Variants in CHSY3 observed in about 807,000 individuals in gnomAD.
The protein encoded by CHSY3 is chondroitin sulfate synthase 3, also known as N-acetylgalactosaminyl-proteoglycan 3-beta-glucuronosyltransferase 3.
A neutral mutation model predicts 67.2 loss-of-function variants in CHSY3; 35 were observed. The observed-to-expected ratio is 0.52, with a 90% CI of 0.40 to 0.69. The LOEUF is 0.69. CHSY3 is among the 30% of genes least tolerant of loss of function. The pLI, the probability that CHSY3 is intolerant of heterozygous loss-of-function variation, is 0.00. For synonymous variants in CHSY3, 474 were observed against 434.7 expected (o/e 1.09, Z -1.12); for missense variants, 1,069 against 1,138.5 (o/e 0.94, Z 0.88).
intron 2 of CHSY3, among the ~76,000 whole-genome samples, chr5:129,945,421 T>A (rs1279330563): frequency 6.6e-6 from 1 of 152,170 alleles, no homozygotes; most frequent in African/African-American, 2.4e-5. Flanking sequence ...ATGAAATAAA[T>A]AAGGCTATGT....
At chr5:129,968,127 A>G (rs1762518924) in intron 2 of CHSY3, among the ~76,000 whole-genome samples, 1 of 151,830 alleles carries the variant, frequency 6.6e-6, no homozygotes, top group South Asian at 2.1e-4. Context: ...CAGCAAGTAG[A>G]TTGTGCCTTG....
At chr5:130,163,107 A>G (rs573911348) in intron 2 of CHSY3, among the ~76,000 whole-genome samples, 133 of 152,298 alleles carry the variant, frequency 8.7e-4, no homozygotes, top group African/African-American at 3.1e-3. Context: ...AGGAGAGATT[A>G]CATGGAAAGC....
intron 2 of CHSY3, among the ~76,000 whole-genome samples, chr5:130,049,596 A>C (rs1765267018): frequency 6.6e-6 from 1 of 152,086 alleles, no homozygotes; most frequent in African/African-American, 2.4e-5. Context: ...CTCTAGTAAC[A>C]AGATAAGCTC....
chr5:129,962,252 A>G (rs2149608285), intron 2 of CHSY3, among the ~76,000 whole-genome samples: 1 of 152,082 alleles, frequency 6.6e-6, no homozygotes, highest in Admixed American at 6.6e-5. Context: ...ATCTCAGCAA[A>G]TGGTACCACC....
intron 2 of CHSY3, among the ~76,000 whole-genome samples, chr5:130,144,512 A>G (rs1470310153): frequency 6.6e-6 from 1 of 152,202 alleles, no homozygotes; most frequent in East Asian, 1.9e-4. Flanking sequence ...TGAAGGCACA[A>G]TTAAGTGGAA....
intron 2 of CHSY3, among the ~76,000 whole-genome samples, chr5:130,132,035 G>C (rs1768499996): frequency 1.3e-5 from 2 of 152,124 alleles, no homozygotes; most frequent in South Asian, 4.1e-4. Context: ...CAAGCCCTAT[G>C]TGACTATTCT....
At chr5:129,934,391 T>A (rs6888996) in intron 2 of CHSY3, among the ~76,000 whole-genome samples, 74,186 of 152,022 alleles carry the variant, frequency 0.49, 18,887 homozygotes, top group Middle Eastern at 0.59. Flanking sequence ...GTGCTTTTTT[T>A]TTAATGTGAG....
chr5:130,084,543 A>G (rs2149688333), intron 2 of CHSY3, among the ~76,000 whole-genome samples: 1 of 152,040 alleles, frequency 6.6e-6, no homozygotes, highest in Middle Eastern at 3.4e-3. Flanking sequence ...GCTTGGTTTT[A>G]TACATTTTAG....
intron 2 of CHSY3, among the ~76,000 whole-genome samples, chr5:130,015,880 C>T (rs761789346): frequency 1.3e-5 from 2 of 152,166 alleles, no homozygotes; most frequent in African/African-American, 2.4e-5. Flanking sequence ...GGTATATATA[C>T]TCCACGGAAT....
At chr5:130,136,675 T>C (rs886160510) in intron 2 of CHSY3, among the ~76,000 whole-genome samples, 6 of 152,184 alleles carry the variant, frequency 3.9e-5, no homozygotes, top group African/African-American at 1.4e-4. Context: ...TCCTATGAAG[T>C]AGAGATTTTA....
chr5:130,067,956 GT>G (rs1455223975), intron 2 of CHSY3, among the ~76,000 whole-genome samples: 5 of 152,146 alleles, frequency 3.3e-5, no homozygotes, highest in African/African-American at 1.2e-4. Context: ...AAAGTTTAAT[GT>G]TTGTTGGTCT....
intron 2 of CHSY3, among the ~76,000 whole-genome samples, chr5:130,052,596 AG>A (rs200947966): frequency 0.017 from 2,540 of 152,236 alleles, 34 homozygotes; most frequent in Non-Finnish European, 0.027. Flanking sequence ...AGAGAAAATA[AG>A]GGGGAATTTT....
At chr5:129,905,753 C>T in intron 1 of CHSY3, 122 bp downstream of exon 1, 3 of 1,511,382 alleles carry the variant, frequency 2.0e-6, no homozygotes, top group African/African-American at 2.7e-5. Context: ...CGGGCTCCCA[C>T]AGGCCCTGGC....
chr5:130,165,989 T>A (rs925819018), intron 2 of CHSY3, among the ~76,000 whole-genome samples: 17 of 152,210 alleles, frequency 1.1e-4, no homozygotes, highest in African/African-American at 3.8e-4. Flanking sequence ...GTATGTAAAA[T>A]AAATTTAAAT....
chr5:130,138,292 C>T (rs1369420679), intron 2 of CHSY3, among the ~76,000 whole-genome samples: 2 of 152,162 alleles, frequency 1.3e-5, no homozygotes, highest in African/African-American at 4.8e-5. Context: ...GGACACATCT[C>T]CTCAGGCGTC....
intron 2 of CHSY3, among the ~76,000 whole-genome samples, chr5:130,124,813 T>C (rs1213286338): frequency 1.3e-5 from 2 of 152,184 alleles, no homozygotes; most frequent in African/African-American, 2.4e-5. Context: ...TAAAATTGCA[T>C]GTTTTGCACA....
intron 2 of CHSY3, among the ~76,000 whole-genome samples, chr5:130,015,528 C>T (rs777847853): frequency 2.0e-4 from 30 of 152,016 alleles, no homozygotes; most frequent in Admixed American, 1.1e-3. Flanking sequence ...AAATCAAAAC[C>T]GCATTGAATT....
intron 2 of CHSY3, among the ~76,000 whole-genome samples, chr5:129,942,315 G>C (rs1761724008): frequency 6.6e-6 from 1 of 152,130 alleles, no homozygotes; most frequent in Admixed American, 6.5e-5. Flanking sequence ...AACACTGTAA[G>C]AACACTAAAT....
intron 2 of CHSY3, among the ~76,000 whole-genome samples, chr5:130,095,268 G>C (rs1370637542): frequency 1.3e-5 from 2 of 152,130 alleles, no homozygotes; most frequent in Non-Finnish European, 2.9e-5. Context: ...TAGCTTAGTA[G>C]TTTCTAAATA....
Sources: gnomAD v4.1 joint callset for allele counts (sites outside exome capture counted in the v4.1 genomes callset) on GRCh38, gnomAD v4.1.1 for gene constraint, MANE v1.5 for transcripts, NCBI Gene and HGNC (gene_info 2026-07-23, HGNC 2026-07-21) for gene names.